WIF1: variants seen among roughly 807,000 people sequenced by gnomAD.
The protein encoded by WIF1 is Wnt inhibitory factor 1.
In WIF1, 35 loss-of-function variants were observed where a neutral mutation model predicts 53.5. The ratio of observed to expected loss-of-function variants is 0.65; its 90% confidence interval spans 0.50 to 0.87. WIF1 has a LOEUF of 0.87. Among genes scored for constraint, WIF1 ranks in the 40% least tolerant of loss-of-function variants. The probability of loss-of-function intolerance (pLI) is 0.00; values close to 1 mark genes in which losing one functional copy is unlikely to be tolerated. For missense variants in WIF1, 467 were observed against 476.8 expected (o/e 0.98, Z 0.19); for synonymous variants, 171 against 170.4 (o/e 1.00, Z -0.03).
chr12:65,062,696 TAATAA>T (rs1476781241), intron 6 of WIF1, 120 bp from the exon 7 acceptor site: 4 of 855,538 alleles, frequency 4.7e-6, no homozygotes, highest in Non-Finnish European at 7.2e-6. Context: ...TTTCCTGACT[TAATAA>T]AATAAGCTGC....
chr12:65,064,371 G>A (rs1391565970), intron 6 of WIF1, among the ~76,000 whole-genome samples: 1 of 152,206 alleles, frequency 6.6e-6, no homozygotes, highest in South Asian at 2.1e-4. Context: ...CTAGAGACAC[G>A]AAGTATCTTT....
chr12:65,073,401 T>C (rs1174584061), intron 3 of WIF1, among the ~76,000 whole-genome samples: 1 of 152,196 alleles, frequency 6.6e-6, no homozygotes, highest in East Asian at 1.9e-4. Flanking sequence ...TCTGTTGGTT[T>C]CATGGTCAGA....
At chr12:65,088,242 C>T (rs764660991) in intron 2 of WIF1, among the ~76,000 whole-genome samples, 2 of 152,134 alleles carry the variant, frequency 1.3e-5, no homozygotes, top group Non-Finnish European at 2.9e-5. Context: ...ATAGTTTTCC[C>T]CCAGGTATGC....
At chr12:65,056,494 G>A (rs373410273) in intron 7 of WIF1, among the ~76,000 whole-genome samples, 1 of 144,464 alleles carries the variant, frequency 6.9e-6, no homozygotes, top group Non-Finnish European at 1.5e-5. Flanking sequence ...CAAAAGTGCT[G>A]GGATTACAAG....
At chr12:65,118,312 C>T (rs1424914034) in intron 2 of WIF1, among the ~76,000 whole-genome samples, 1 of 152,120 alleles carries the variant, frequency 6.6e-6, no homozygotes, top group African/African-American at 2.4e-5. Flanking sequence ...TCATTTTTCC[C>T]ATCTTCAGAA....
Position 65,054,659 on chromosome 12 carries a change from A to G in WIF1, c.1018+459T>C, listed in dbSNP as rs533121802. Among the ~76,000 whole-genome samples the G allele has an allele frequency of 2.2e-4, 33 of 152,356 alleles. 1 individual carries two copies. The highest frequency in any genetic ancestry group is 7.2e-4 in the Admixed American group (11 of 15,308). On this transcript the variant is annotated intron_variant, in intron 9 of 9. Transcript: ENST00000286574. Reference sequence around the variant, plus strand: ...CCAGTACAGTTTAAATATTTTAAGAAGCAAAATGCTTCATGTTTTATAATG... The same window carrying G: ...CCAGTACAGTTTAAATATTTTAAGAGGCAAAATGCTTCATGTTTTATAATG...
At chr12:65,097,653 T>C (rs1430363407) in intron 2 of WIF1, among the ~76,000 whole-genome samples, 1 of 152,214 alleles carries the variant, frequency 6.6e-6, no homozygotes, top group East Asian at 1.9e-4. Flanking sequence ...AGTCTACGTT[T>C]CTTTTCCTGA....
In WIF1 at chr12:65,096,049, A is replaced by G. The variant is rs145562224; in HGVS notation, c.289-18195T>C. On this transcript the variant is annotated intron_variant, in intron 2 of 9. Transcript: ENST00000286574. ...TAAATAAACTAAAGAGCTTCTGCAC[A>G]GCAAAAGAATCTATCATCAGAATGA... 8.8e-3 allele frequency among the ~76,000 whole-genome samples: 1,336 copies of G among 152,340 alleles called. 21 individuals are homozygous for G. The highest frequency in any genetic ancestry group is 0.03 in the African/African-American group (1,259 of 41,584).
chr12:65,108,510 G>T (rs1883383174), intron 2 of WIF1, among the ~76,000 whole-genome samples: 1 of 152,150 alleles, frequency 6.6e-6, no homozygotes, highest in South Asian at 2.1e-4. Context: ...TTCTGCCCTT[G>T]CTCTAGTTAT....
intron 3 of WIF1, among the ~76,000 whole-genome samples, chr12:65,075,164 TCTC>T (rs2136619989): frequency 6.6e-6 from 1 of 152,238 alleles, no homozygotes; most frequent in Admixed American, 6.5e-5. Flanking sequence ...AACTTATACT[TCTC>T]CTGTCTACAC....
chr12:65,101,053 AT>A, intron 2 of WIF1, among the ~76,000 whole-genome samples: 1 of 152,220 alleles, frequency 6.6e-6, no homozygotes, highest in East Asian at 1.9e-4. Flanking sequence ...CCTTTTTGGT[AT>A]TTTCCAAATA....
At chr12:65,091,713 G>T (rs1883125688) in intron 2 of WIF1, among the ~76,000 whole-genome samples, 1 of 152,032 alleles carries the variant, frequency 6.6e-6, no homozygotes, top group Non-Finnish European at 1.5e-5. Flanking sequence ...TCTGATCAAA[G>T]GTTTAAAAGT....
intron 2 of WIF1, among the ~76,000 whole-genome samples, chr12:65,095,578 C>CA (rs942764222): frequency 3.3e-5 from 5 of 150,864 alleles, no homozygotes; most frequent in East Asian, 3.9e-4. Context: ...GTCTTGCACA[C>CA]AAAAAAAAGG....
intron 2 of WIF1, among the ~76,000 whole-genome samples, chr12:65,117,472 A>G (rs974476111): frequency 5.3e-5 from 8 of 152,144 alleles, no homozygotes; most frequent in African/African-American, 1.9e-4. Context: ...ACTTTGGATT[A>G]CTGTAGTGGT....
intron 2 of WIF1, among the ~76,000 whole-genome samples, chr12:65,092,474 G>A (rs954970938): frequency 8.0e-6 from 1 of 124,644 alleles, no homozygotes; most frequent in Non-Finnish European, 1.6e-5. Context: ...GTATATGTGT[G>A]TGTGTGTATA....
rs747819483 is a variant in WIF1 at position 65,055,097 on chromosome 12, CT to C, written c.1018+20del. ...TTTTTATTTTTTTCCTTGTTTACAA[CT>C]TTTTATTTCTCCCACTCACTTTTAT... On this transcript the variant is annotated intron_variant, in intron 9 of 9. Transcript: ENST00000286574. 6.2e-7 allele frequency: 1 copy of C among 1,607,492 alleles called. No individual in the cohort carries two copies. Among genetic ancestry groups the C allele is most frequent in the Non-Finnish European group, 8.5e-7 (1 of 1,178,094 alleles).
rs758383148 is a variant in WIF1 at position 65,112,404 on chromosome 12, T to TCACACACACACACACACA, written c.288+7995_288+8012dup. On this transcript the variant is annotated intron_variant, in intron 2 of 9. Coordinates refer to ENST00000286574, the MANE Select transcript of WIF1 (RefSeq NM_007191.5). ...ATTTTTTTACAGTTCCCTGCTCTAA[T>TCACACACACACACACACA]CACACACACACACACACACACACAC... Among the ~76,000 whole-genome samples the TCACACACACACACACACA allele has an allele frequency of 5.9e-3, 726 of 123,488 alleles. 15 individuals carry two copies. Among genetic ancestry groups the TCACACACACACACACACA allele is most frequent in the African/African-American group, 0.015 (516 of 34,854 alleles). The allele number at this position is 123,488 out of a possible 152,430, so 81.0% of individuals were successfully genotyped here.
intron 2 of WIF1, among the ~76,000 whole-genome samples, chr12:65,079,002 T>C (rs534880844): frequency 1.3e-5 from 2 of 151,946 alleles, no homozygotes; most frequent in South Asian, 4.2e-4. Context: ...CCGTCTCTAC[T>C]AAAAATACAA....
chr12:65,070,812 T>C (rs896216152), intron 3 of WIF1, among the ~76,000 whole-genome samples: 10 of 152,174 alleles, frequency 6.6e-5, no homozygotes, highest in African/African-American at 2.4e-4. Context: ...TAAACTCATC[T>C]TCATTTCTGC....
Sources: allele counts gnomAD v4.1 joint callset (sites outside exome capture counted in the v4.1 genomes callset), GRCh38; gene constraint gnomAD v4.1.1; transcripts MANE v1.5; gene names NCBI Gene and HGNC (gene_info 2026-07-23, HGNC 2026-07-21).